SNU13: variants seen among roughly 807,000 people sequenced by gnomAD.
SNU13 encodes the protein small nuclear ribonucleoprotein 13.
SNU13 carries 2 observed loss-of-function variants against 12.4 expected under a neutral mutation model. The ratio of observed to expected loss-of-function variants is 0.16; its 90% CI spans 0.07 to 0.51. The LOEUF (loss-of-function observed/expected upper bound fraction) is 0.51. Ranked by LOEUF, SNU13 falls within the 20% of genes least tolerant of loss-of-function variation. SNU13 has a pLI of 0.96. For missense variants in SNU13, 66 were observed against 157.8 expected (o/e 0.42, Z 3.12); for synonymous variants, 68 against 66.5 (o/e 1.02, Z -0.11).
upstream of SNU13, chr22:41,689,183 G>A: frequency 2.6e-6 from 2 of 771,658 alleles, no homozygotes; most frequent in Non-Finnish European, 3.2e-6. Flanking sequence ...CCAACATGGC[G>A]AAACCTCGTC....
Position 41,674,586 on chromosome 22 carries a change from A to T in SNU13, c.*347T>A, listed in dbSNP as rs1221360969. ...CCACCACACCCCGCACACAACAGGAAGCTAGTGGCTGAAAGCTGGAACCAG... is the reference window on the plus strand; with the variant it reads ...CCACCACACCCCGCACACAACAGGATGCTAGTGGCTGAAAGCTGGAACCAG... On this transcript the variant is annotated 3_prime_UTR_variant, in exon 3 of 3. Coordinates refer to ENST00000401959, the MANE Select transcript of SNU13 (RefSeq NM_001003796.2). 4 of 278,488 alleles carry T rather than the reference A, an allele frequency of 1.4e-5. No homozygotes were observed. Among genetic ancestry groups the T allele is most frequent in the African/African-American group, 8.7e-5 (4 of 45,780 alleles). The allele number at this position is 278,488 out of a possible 1,614,324, so 17.3% of individuals were successfully genotyped here. A position where few individuals can be genotyped will look rare whatever the true frequency, so the allele number is the denominator to read the frequency against.
chr22:41,689,641 C>A (rs1166273351), upstream of SNU13, among the ~76,000 whole-genome samples: 1 of 149,502 alleles, frequency 6.7e-6, no homozygotes, highest in Admixed American at 6.7e-5. Flanking sequence ...ACACTGCACT[C>A]CAGCCTGGGC....
chr22:41,680,369 G>C lies in SNU13; in HGVS notation c.4-5C>G, dbSNP rs1191077020. The C allele has an allele frequency of 6.3e-7, 1 of 1,598,668 alleles. No individual in the cohort carries two copies. The highest frequency in any genetic ancestry group is 2.2e-5 in the East Asian group (1 of 44,644). On this transcript the variant is annotated splice_region_variant and splice_polypyrimidine_tract_variant and intron_variant, in intron 1 of 2. Transcript: ENST00000401959. Reference sequence around the variant, plus strand: ...TGGATTCACATCAGCCTCAGTCTATGGGGGGGACATAAAAATATCAGACAA... The same window carrying C: ...TGGATTCACATCAGCCTCAGTCTATCGGGGGGACATAAAAATATCAGACAA...
chr22:41,682,327 G>A (rs758053586), intron 1 of SNU13: 38 of 1,597,606 alleles, frequency 2.4e-5, no homozygotes, highest in South Asian at 1.3e-4. Context: ...GAGGTGACCC[G>A]GAGATAATGG....
At chr22:41,677,884 C>T (rs2068227550) in intron 2 of SNU13, among the ~76,000 whole-genome samples, 1 of 152,170 alleles carries the variant, frequency 6.6e-6, no homozygotes, top group Non-Finnish European at 1.5e-5. Flanking sequence ...TCTGCTCAAA[C>T]TCCTCAGACA....
At chr22:41,689,483 C>T (rs908980851), upstream of SNU13, among the ~76,000 whole-genome samples, 2 of 140,474 alleles carry the variant, frequency 1.4e-5, no homozygotes, top group Non-Finnish European at 3.0e-5. Context: ...TCCTGGCTAA[C>T]ACAGTGAACC....
chr22:41,675,446 G>A (rs1443408365), intron 2 of SNU13, among the ~76,000 whole-genome samples: 1 of 150,494 alleles, frequency 6.6e-6, no homozygotes, highest in Non-Finnish European at 1.5e-5. Flanking sequence ...TTTTTGAGAT[G>A]GAGTCTTGCT....
In SNU13 at chr22:41,674,224, A is replaced by C. The variant is rs921054154; in HGVS notation, c.*709T>G. 1.3e-5 allele frequency: 2 copies of C among 152,308 alleles called. No individual in the cohort carries two copies. The highest frequency in any genetic ancestry group is 4.8e-5 in the African/African-American group (2 of 41,250). The allele number at this position is 152,308 out of a possible 1,614,324, so 9.4% of individuals were successfully genotyped here. A position where few individuals can be genotyped will look rare whatever the true frequency, so the allele number is the denominator to read the frequency against. On this transcript the variant is annotated 3_prime_UTR_variant, in exon 3 of 3. Coordinates refer to ENST00000401959, the MANE Select transcript of SNU13 (RefSeq NM_001003796.2). ...ATGCTCTCTGAGCTTGTCACTCCCG[A>C]CTCTTTCAAGACCCAGGTCAACTGC...
chr22:41,690,394 C>T (rs2068349802), upstream of SNU13: 1 of 718,378 alleles, frequency 1.4e-6, no homozygotes, highest in African/African-American at 1.7e-5. Context: ...CAAGTTCTTC[C>T]TCCTAATTAC....
At position 41,684,501 on chromosome 22, in the gene SNU13, T is replaced by C. The variant is rs1473671747; in HGVS notation, c.4-4137A>G. On this transcript the variant is annotated intron_variant, in intron 1 of 2. Transcript: ENST00000401959. ...TGCCCTTGTCACTTATGCTCTGGTA[T>C]GTGGTATTTTCATTATTGTTCTGTT... 2.0e-5 allele frequency among the ~76,000 whole-genome samples: 3 copies of C among 152,224 alleles called. No homozygotes were observed. In the East Asian group the frequency reaches 5.8e-4, roughly 29 times the overall value.
chr22:41,678,265 G>T (rs371794137), intron 2 of SNU13, among the ~76,000 whole-genome samples: 1 of 151,916 alleles, frequency 6.6e-6, no homozygotes, highest in Non-Finnish European at 1.5e-5. Context: ...GTGAGCCACC[G>T]CGCCCGGCCT....
At chr22:41,675,645 C>T (rs2068205531) in intron 2 of SNU13, among the ~76,000 whole-genome samples, 1 of 151,902 alleles carries the variant, frequency 6.6e-6, no homozygotes, top group Non-Finnish European at 1.5e-5. Context: ...TGGTCTCAAA[C>T]TCCTGACCTC....
chr22:41,687,475 C>T (rs982456966), intron 1 of SNU13, among the ~76,000 whole-genome samples: 6 of 152,144 alleles, frequency 3.9e-5, no homozygotes, highest in Non-Finnish European at 7.4e-5. Context: ...CTAAATGTTT[C>T]ACTATTAGTC....
At chr22:41,680,436 T>C in intron 1 of SNU13, 72 bp from the exon 2 acceptor site, 2 of 1,527,964 alleles carry the variant, frequency 1.3e-6, no homozygotes, top group African/African-American at 1.4e-5. Flanking sequence ...AAAATACTAA[T>C]CAACAATTGA....
intron 1 of SNU13, chr22:41,681,600 A>G (rs2068263646): frequency 6.6e-6 from 1 of 152,374 alleles, no homozygotes; most frequent in South Asian, 2.1e-4. Context: ...AATATCACCA[A>G]CTTGCAACCC....
chr22:41,690,021 C>G (rs1348875281), upstream of SNU13, among the ~76,000 whole-genome samples: 1 of 152,016 alleles, frequency 6.6e-6, no homozygotes, highest in South Asian at 2.1e-4. Flanking sequence ...CAGTTAAGGC[C>G]TGGCTCATTA....
intron 1 of SNU13, among the ~76,000 whole-genome samples, chr22:41,686,562 A>G (rs1417790801): frequency 6.6e-6 from 1 of 151,176 alleles, no homozygotes; most frequent in Non-Finnish European, 1.5e-5. Flanking sequence ...GGCCTCCCAA[A>G]GTGCTGGGAT....
rs758162029 is a variant in SNU13, at chr22:41,674,673, C to A, written c.*260G>T. 2.2e-6 allele frequency: 1 copy of A among 444,794 alleles called. No individual in the cohort carries two copies. Among genetic ancestry groups the A allele is most frequent in the Non-Finnish European group, 4.0e-6 (1 of 247,616 alleles). 27.6% of individuals were successfully genotyped at this position (444,794 alleles called of 1,614,324 possible). A position where few individuals can be genotyped will look rare whatever the true frequency, so the allele number is the denominator to read the frequency against. ...TTTCTGCCTTTCAACGGTGCCACCA[C>A]CCTGCTTCTGTCTGCTCTGAACACT... On this transcript the variant is annotated 3_prime_UTR_variant, in exon 3 of 3. Transcript: ENST00000401959.
chr22:41,682,287 G>C, intron 1 of SNU13: 1 of 1,502,002 alleles, frequency 6.7e-7, no homozygotes, highest in Non-Finnish European at 9.3e-7. Flanking sequence ...TGACACAGCG[G>C]GACCACGCTC....
Sources: allele counts gnomAD v4.1 joint callset (sites outside exome capture counted in the v4.1 genomes callset), GRCh38; gene constraint gnomAD v4.1.1; transcripts MANE v1.5; gene names NCBI Gene and HGNC (gene_info 2026-07-23, HGNC 2026-07-21).